STX18: variants seen among roughly 807,000 people sequenced by gnomAD.
STX18 encodes syntaxin 18.
STX18 carries 40 observed loss-of-function variants against 50.1 expected under a neutral mutation model. The ratio of observed to expected loss-of-function variants is 0.80; its 90% CI spans 0.62 to 1.04. The LOEUF (loss-of-function observed/expected upper bound fraction) is 1.04, where lower values mean the gene tolerates loss of function less well. Ranked by LOEUF, STX18 falls within the 50% of genes least tolerant of loss-of-function variation. The pLI is 0.00. For missense variants in STX18, 410 were observed against 415.8 expected (o/e 0.99, Z 0.12); for synonymous variants, 158 against 151.8 (o/e 1.04, Z -0.30).
chr4:4,430,590 C>T (rs1221662858), intron 7 of STX18, among the ~76,000 whole-genome samples: 2 of 152,134 alleles, frequency 1.3e-5, no homozygotes, highest in Non-Finnish European at 2.9e-5. Context: ...TGGGAGTGGC[C>T]GCTGGTGTCT....
chr4:4,425,106 T>A, intron 8 of STX18, 58 bp downstream of exon 8: 1 of 1,508,364 alleles, frequency 6.6e-7, no homozygotes, highest in South Asian at 1.1e-5. Context: ...ATAAAGTTCC[T>A]AGTTCCTGGA....
At chr4:4,534,330 G>A (rs762851904) in intron 1 of STX18, among the ~76,000 whole-genome samples, 9 of 152,134 alleles carry the variant, frequency 5.9e-5, no homozygotes, top group Admixed American at 6.5e-5. Flanking sequence ...TGAATAACTG[G>A]CACTCAACTC....
chr4:4,491,512 T>C (rs1301548630), intron 1 of STX18, among the ~76,000 whole-genome samples: 1 of 152,180 alleles, frequency 6.6e-6, no homozygotes, highest in Non-Finnish European at 1.5e-5. Context: ...TATTAAAATA[T>C]GACAAACCTT....
chr4:4,468,582 G>A (rs1228048395), intron 2 of STX18, among the ~76,000 whole-genome samples: 2 of 152,056 alleles, frequency 1.3e-5, no homozygotes, highest in Non-Finnish European at 2.9e-5. Context: ...AGCCAAGCCT[G>A]GGCTCGGTTA....
At chr4:4,495,549 AT>A (rs1288977012) in intron 1 of STX18, among the ~76,000 whole-genome samples, 2 of 138,552 alleles carry the variant, frequency 1.4e-5, no homozygotes, top group African/African-American at 5.5e-5. Flanking sequence ...TGTCTGGCTA[AT>A]TTTTTTTCTT....
chr4:4,457,771 G>C (rs1043028961), intron 3 of STX18, among the ~76,000 whole-genome samples: 9 of 152,172 alleles, frequency 5.9e-5, no homozygotes, highest in Non-Finnish European at 8.8e-5. Flanking sequence ...GCCACTTCTT[G>C]AGTGCTGACC....
At chr4:4,532,076 T>C (rs753412315) in intron 1 of STX18, among the ~76,000 whole-genome samples, 2 of 152,198 alleles carry the variant, frequency 1.3e-5, no homozygotes, top group Non-Finnish European at 2.9e-5. Context: ...TATTTAAAAA[T>C]TTCCAAAATA....
intron 5 of STX18, among the ~76,000 whole-genome samples, chr4:4,439,572 CATAT>C (rs1358200038): frequency 7.1e-6 from 1 of 140,382 alleles, no homozygotes; most frequent in African/African-American, 2.7e-5. Context: ...ACCCCCTACC[CATAT>C]ATATACACAC....
chr4:4,524,873 A>T (rs930102732), intron 1 of STX18, among the ~76,000 whole-genome samples: 2 of 152,256 alleles, frequency 1.3e-5, no homozygotes, highest in African/African-American at 4.8e-5. Flanking sequence ...ATCAAGCCAC[A>T]CATTTGAAGA....
intron 1 of STX18, among the ~76,000 whole-genome samples, chr4:4,523,243 T>G (rs1397810405): frequency 6.6e-6 from 1 of 152,216 alleles, no homozygotes; most frequent in Non-Finnish European, 1.5e-5. Context: ...ACGTTCTCCA[T>G]AGCTGCCTCC....
intron 1 of STX18, among the ~76,000 whole-genome samples, chr4:4,526,186 G>C (rs979809704): frequency 2.0e-5 from 3 of 152,200 alleles, no homozygotes; most frequent in Admixed American, 6.5e-5. Flanking sequence ...GCTTAGCTTG[G>C]AGAGGGACTG....
intron 1 of STX18, among the ~76,000 whole-genome samples, chr4:4,511,736 G>A (rs917703241): frequency 1.3e-5 from 2 of 150,578 alleles, no homozygotes; most frequent in African/African-American, 4.9e-5. Context: ...GTGTGTGTGT[G>A]TGTGTGTGTG....
In STX18 at chr4:4,420,945, C is replaced by T. The variant is rs1724921796; in HGVS notation, c.832-1G>A. 1 of 1,614,062 alleles carries T rather than the reference C, an allele frequency of 6.2e-7. No individual in the cohort carries two copies. The highest frequency in any genetic ancestry group is 1.7e-5 in the Admixed American group (1 of 60,022). The stretch of plus-strand genomic sequence containing the variant: ...GGTGAATGCTGTCAATCTCAGCTTC[C>T]TGTGGAAGAAAAGATAAATACAAGT... On this transcript the variant is annotated splice_acceptor_variant, in intron 9 of 10. Transcript: ENST00000306200. LOFTEE classifies it high-confidence loss of function. The surrounding 1 kb of genome is among the most constrained non-coding windows in gnomAD (Gnocchi z 4.3).
intron 2 of STX18, among the ~76,000 whole-genome samples, chr4:4,459,929 G>T (rs1405179468): frequency 6.6e-6 from 1 of 152,164 alleles, no homozygotes; most frequent in African/African-American, 2.4e-5. Context: ...TGTGTTGGTT[G>T]TCTCCTCCTT....
At chr4:4,477,264 A>T (rs1560183907) in intron 1 of STX18, among the ~76,000 whole-genome samples, 1 of 152,108 alleles carries the variant, frequency 6.6e-6, no homozygotes, top group Non-Finnish European at 1.5e-5. Context: ...AACGAAACAA[A>T]ACAAACTCAT....
chr4:4,483,198 C>T (rs1166237204), intron 1 of STX18, among the ~76,000 whole-genome samples: 1 of 152,068 alleles, frequency 6.6e-6, no homozygotes, highest in African/African-American at 2.4e-5. Flanking sequence ...CAACCTGGAA[C>T]GTATAGCTTC....
chr4:4,432,394 G>C (rs1458229860), intron 7 of STX18, among the ~76,000 whole-genome samples: 1 of 152,256 alleles, frequency 6.6e-6, no homozygotes, highest in East Asian at 1.9e-4. Flanking sequence ...GTCCTTCCCT[G>C]CTCATGGCAC....
chr4:4,517,365 A>C (rs1730318202), intron 1 of STX18, among the ~76,000 whole-genome samples: 1 of 152,246 alleles, frequency 6.6e-6, no homozygotes, highest in African/African-American at 2.4e-5. Context: ...GTGTAGAATA[A>C]AGAATAATCC....
chr4:4,432,772 T>C (rs1725578315), intron 7 of STX18, among the ~76,000 whole-genome samples: 1 of 152,218 alleles, frequency 6.6e-6, no homozygotes, highest in Non-Finnish European at 1.5e-5. Context: ...GGAAAGAGAT[T>C]TGGTTTCCGT....
Sources: allele counts gnomAD v4.1 joint callset (sites outside exome capture counted in the v4.1 genomes callset), GRCh38; gene constraint gnomAD v4.1.1; non-coding constraint Gnocchi (gnomAD v3.1); transcripts MANE v1.5; gene names NCBI Gene and HGNC (gene_info 2026-07-23, HGNC 2026-07-21).